Variants in KCNQ1OT1 observed in about 807,000 individuals in gnomAD.
KCNQ1OT1 encodes KCNQ1 antisense RNA 2 (non-protein coding).
At chr11:2,634,870 T>G (rs1296517183) in exon 1 of KCNQ1OT1, 2 of 152,242 alleles carry the variant, frequency 1.3e-5, no homozygotes, top group Non-Finnish European at 2.9e-5. Flanking sequence ...ATGATTGCCA[T>G]TCTAACTGGT....
In KCNQ1OT1 at chr11:2,687,266, C is replaced by A; in HGVS notation, n.12729G>T. 2.5e-6 allele frequency: 1 copy of A among 398,682 alleles called. No individual in the cohort carries two copies. The highest frequency in any genetic ancestry group is 4.4e-6 in the Non-Finnish European group (1 of 226,110). The allele number at this position is 398,682 out of a possible 1,614,324, so 24.7% of individuals were successfully genotyped here. A position where few individuals can be genotyped will look rare whatever the true frequency, so the allele number is the denominator to read the frequency against. On this transcript the variant is annotated non_coding_transcript_exon_variant, in exon 1 of 1. Coordinates refer to ENST00000597346, the Ensembl canonical transcript of KCNQ1OT1. The surrounding 1 kb of genome is among the most constrained non-coding windows in gnomAD (Gnocchi z 5.0). ...ATCACTACCAGCTCCGGGCTTCTCT[C>A]CTCTGGCCTCCCACCTTGCAGCTTT... is the stretch of plus-strand genomic sequence containing the variant.
At chr11:2,686,049 T>G (rs1564857892) in exon 1 of KCNQ1OT1, 2 of 399,250 alleles carry the variant, frequency 5.0e-6, no homozygotes. Flanking sequence ...CACCATCTGA[T>G]GGGGCAGGGG....
chr11:2,623,538 T>A lies in KCNQ1OT1; in HGVS notation n.76457A>T, dbSNP rs1849209704. On this transcript the variant is annotated non_coding_transcript_exon_variant, in exon 1 of 1. Transcript: ENST00000597346. This position sits in a 1 kb window ranked among gnomAD's most constrained non-coding sequence, Gnocchi z 5.2. ...TCATACAGTATGTAGTTTCTTCAGA[T>A]TGCCTTATTTCACATAGTAATATGT... is the stretch of plus-strand genomic sequence containing the variant. The A allele has an allele frequency of 2.5e-6, 1 of 398,516 alleles. No individual in the cohort carries two copies. The highest frequency in any genetic ancestry group is 1.3e-4 in the South Asian group (1 of 7,866). 24.7% of individuals were successfully genotyped at this position (398,516 alleles called of 1,614,324 possible).
At chr11:2,638,926 T>G (rs1214241324) in exon 1 of KCNQ1OT1, 1 of 152,232 alleles carries the variant, frequency 6.6e-6, no homozygotes, top group Admixed American at 6.5e-5. Flanking sequence ...TTTACTCTTT[T>G]TTCTCTGAAC....
rs1849092632 is a variant in KCNQ1OT1, at chr11:2,617,801, T to C, written n.82194A>G. On this transcript the variant is annotated non_coding_transcript_exon_variant, in exon 1 of 1. Coordinates refer to ENST00000597346, the Ensembl canonical transcript of KCNQ1OT1. The surrounding 1 kb of genome is among the most constrained non-coding windows in gnomAD (Gnocchi z 4.6). ...GACGATTAGTGATGTTAAATGTCTT[T>C]TCATATATGTGTTTGCCATTTTTAT... 2 of 398,604 alleles carry C rather than the reference T, an allele frequency of 5.0e-6. No homozygotes were observed. Among genetic ancestry groups the C allele is most frequent in the African/African-American group, 4.1e-5 (2 of 48,766 alleles). The allele number at this position is 398,604 out of a possible 1,614,324, so 24.7% of individuals were successfully genotyped here.
chr11:2,634,069 T>C (rs909333526), exon 1 of KCNQ1OT1: 9 of 398,494 alleles, frequency 2.3e-5, no homozygotes, highest in African/African-American at 1.9e-4. Flanking sequence ...CTATTTGTGG[T>C]CTTTTGTGGT....
In KCNQ1OT1 at chr11:2,645,971, C is replaced by G; in HGVS notation, n.54024G>C. The G allele has an allele frequency of 5.0e-6, 2 of 398,624 alleles. No individual in the cohort carries two copies. Among genetic ancestry groups the G allele is most frequent in the Non-Finnish European group, 8.8e-6 (2 of 226,094 alleles). 24.7% of individuals were successfully genotyped at this position (398,624 alleles called of 1,614,324 possible). ...ATCTATGGGTCAGGGGGTTCTCTGA[C>G]TAGGATTTCAGGAGTCTGCTGTGGG... On this transcript the variant is annotated non_coding_transcript_exon_variant, in exon 1 of 1. Coordinates refer to ENST00000597346, the Ensembl canonical transcript of KCNQ1OT1. This position sits in a 1 kb window ranked among gnomAD's most constrained non-coding sequence, Gnocchi z 5.8.
exon 1 of KCNQ1OT1, chr11:2,649,933 T>C (rs79166627): frequency 0.013 from 5,123 of 398,522 alleles, 156 homozygotes; most frequent in East Asian, 0.079. Flanking sequence ...ATGTGAAATA[T>C]TGTTAGCTTA....
At chr11:2,610,750 T>C in exon 1 of KCNQ1OT1, 1 of 376,842 alleles carries the variant, frequency 2.7e-6, no homozygotes, top group Non-Finnish European at 4.6e-6. Context: ...TTTTTTACTT[T>C]GAGCACTTGG....
chr11:2,698,961 C>G lies in KCNQ1OT1; in HGVS notation n.1034G>C. ...CTGATCCCAACTAGGATACCTAACTCAGAACCACAACGGGGATTCCCACCT... is the reference window on the plus strand; with the variant it reads ...CTGATCCCAACTAGGATACCTAACTGAGAACCACAACGGGGATTCCCACCT... On this transcript the variant is annotated non_coding_transcript_exon_variant, in exon 1 of 1. Transcript: ENST00000597346. This position sits in a 1 kb window ranked among gnomAD's most constrained non-coding sequence, Gnocchi z 5.1. The G allele has an allele frequency of 2.5e-6, 1 of 398,644 alleles. No homozygotes were observed. 24.7% of individuals were successfully genotyped at this position (398,644 alleles called of 1,614,324 possible). A position where few individuals can be genotyped will look rare whatever the true frequency, so the allele number is the denominator to read the frequency against.
At position 2,674,832 on chromosome 11, in the gene KCNQ1OT1, TAAAA is replaced by T. The variant is rs34219164; in HGVS notation, n.25159_25162del. On this transcript the variant is annotated non_coding_transcript_exon_variant, in exon 1 of 1. Coordinates refer to ENST00000597346, the Ensembl canonical transcript of KCNQ1OT1. This position sits in a 1 kb window ranked among gnomAD's most constrained non-coding sequence, Gnocchi z 5.9. ...GCTTGTCACCCTAATAGCTGTTTTT[TAAAA>T]AAAAAAAAAAAAAAAAAAAAAAAAG... 3.9e-3 allele frequency: 1,184 copies of T among 300,368 alleles called. No individual in the cohort carries two copies. The highest frequency in any genetic ancestry group is 4.7e-3 in the Middle Eastern group (6 of 1,274). 18.6% of individuals were successfully genotyped at this position (300,368 alleles called of 1,614,324 possible). A position where few individuals can be genotyped will look rare whatever the true frequency, so the allele number is the denominator to read the frequency against.
chr11:2,615,252 T>C (rs776180952), exon 1 of KCNQ1OT1: 2 of 398,074 alleles, frequency 5.0e-6, no homozygotes, highest in African/African-American at 2.1e-5. Flanking sequence ...ATGTTGAACA[T>C]GTACCCTGCA....
chr11:2,665,465 G>A (rs1424204317), exon 1 of KCNQ1OT1: 1 of 396,620 alleles, frequency 2.5e-6, no homozygotes, highest in African/African-American at 2.1e-5. Flanking sequence ...CACGACAGTG[G>A]GTGGGGACGG....
chr11:2,663,359 T>C lies in KCNQ1OT1; in HGVS notation n.36636A>G. On this transcript the variant is annotated non_coding_transcript_exon_variant, in exon 1 of 1. Coordinates refer to ENST00000597346, the Ensembl canonical transcript of KCNQ1OT1. The surrounding 1 kb of genome is among the most constrained non-coding windows in gnomAD (Gnocchi z 5.2). ...TGAGCAGGCTGGTAGCCAGATGGGC[T>C]GCCCAGGTACAGGTCAGCACCAGAA... 5.0e-6 allele frequency: 2 copies of C among 398,806 alleles called. No homozygotes were observed. Among genetic ancestry groups the C allele is most frequent in the Non-Finnish European group, 8.8e-6 (2 of 226,198 alleles). The allele number at this position is 398,806 out of a possible 1,614,324, so 24.7% of individuals were successfully genotyped here. A position where few individuals can be genotyped will look rare whatever the true frequency, so the allele number is the denominator to read the frequency against.
At position 2,621,197 on chromosome 11, in the gene KCNQ1OT1, C is replaced by T. The variant is rs551357125; in HGVS notation, n.78798G>A. The T allele has an allele frequency of 8.8e-5, 35 of 397,550 alleles. No individual in the cohort carries two copies. In the South Asian group the frequency reaches 1.3e-3, roughly 14 times the overall value. 24.6% of individuals were successfully genotyped at this position (397,550 alleles called of 1,614,324 possible). A position where few individuals can be genotyped will look rare whatever the true frequency, so the allele number is the denominator to read the frequency against. ...TTCACCATGTTGGCCAGGATGGTCT[C>T]GAATACCTGACCCCAGATGATCCAC... On this transcript the variant is annotated non_coding_transcript_exon_variant, in exon 1 of 1. Coordinates refer to ENST00000597346, the Ensembl canonical transcript of KCNQ1OT1. This position sits in a 1 kb window ranked among gnomAD's most constrained non-coding sequence, Gnocchi z 5.7.
rs1312458170 is a variant in KCNQ1OT1, at chr11:2,620,211, ATT to A, written n.79782_79783del. ...TAAGTTCATTCATGTATATATATAT[ATT>A]TTTTTTTTTTATTTTTTTTTTAGAC... On this transcript the variant is annotated non_coding_transcript_exon_variant, in exon 1 of 1. Transcript: ENST00000597346. This position sits in a 1 kb window ranked among gnomAD's most constrained non-coding sequence, Gnocchi z 4.5. 4.5e-3 allele frequency: 1,162 copies of A among 255,992 alleles called. No homozygotes were observed. Among genetic ancestry groups the A allele is most frequent in the East Asian group, 0.01 (158 of 15,452 alleles). The allele number at this position is 255,992 out of a possible 1,614,324, so 15.9% of individuals were successfully genotyped here. A position where few individuals can be genotyped will look rare whatever the true frequency, so the allele number is the denominator to read the frequency against.
At position 2,620,978 on chromosome 11, in the gene KCNQ1OT1, T is replaced by C; in HGVS notation, n.79017A>G. On this transcript the variant is annotated non_coding_transcript_exon_variant, in exon 1 of 1. Coordinates refer to ENST00000597346, the Ensembl canonical transcript of KCNQ1OT1. The surrounding 1 kb of genome is among the most constrained non-coding windows in gnomAD (Gnocchi z 4.5). ...TTTTTGTCTGTTTTTTGCTTTTTTGTTTGTTTGTTTGTTTTTTGAGAAAGA... is the reference window on the plus strand; with the variant it reads ...TTTTTGTCTGTTTTTTGCTTTTTTGCTTGTTTGTTTGTTTTTTGAGAAAGA... 2 of 397,768 alleles carry C rather than the reference T, an allele frequency of 5.0e-6. No homozygotes were observed. The highest frequency in any genetic ancestry group is 8.9e-6 in the Non-Finnish European group (2 of 225,954). 24.6% of individuals were successfully genotyped at this position (397,768 alleles called of 1,614,324 possible).
chr11:2,683,545 A>G lies in KCNQ1OT1; in HGVS notation n.16450T>C, dbSNP rs1850434710. 5 of 398,554 alleles carry G rather than the reference A, an allele frequency of 1.3e-5. No individual in the cohort carries two copies. 24.7% of individuals were successfully genotyped at this position (398,554 alleles called of 1,614,324 possible). A position where few individuals can be genotyped will look rare whatever the true frequency, so the allele number is the denominator to read the frequency against. On this transcript the variant is annotated non_coding_transcript_exon_variant, in exon 1 of 1. Coordinates refer to ENST00000597346, the Ensembl canonical transcript of KCNQ1OT1. The surrounding 1 kb of genome is among the most constrained non-coding windows in gnomAD (Gnocchi z 4.7). ...GAGTAAACATTTCTAAAAAAGAGGT[A>G]GAAGCCCCTACCTACTGACTGGCAT...
Position 2,682,345 on chromosome 11 carries a change from G to C in KCNQ1OT1, n.17650C>G, listed in dbSNP as rs1214241262. 1.3e-5 allele frequency: 5 copies of C among 398,454 alleles called. No homozygotes were observed. Among genetic ancestry groups the C allele is most frequent in the Non-Finnish European group, 2.2e-5 (5 of 226,068 alleles). The allele number at this position is 398,454 out of a possible 1,614,324, so 24.7% of individuals were successfully genotyped here. On this transcript the variant is annotated non_coding_transcript_exon_variant, in exon 1 of 1. Coordinates refer to ENST00000597346, the Ensembl canonical transcript of KCNQ1OT1. This position sits in a 1 kb window ranked among gnomAD's most constrained non-coding sequence, Gnocchi z 5.8. The stretch of plus-strand genomic sequence containing the variant: ...AACTGTGTGTTTATTTGTGGTAAAG[G>C]GTTTACTGGCTGGCTCCTTCTATCA...
Sources: gnomAD v4.1 joint callset for allele counts on GRCh38, gnomAD v4.1.1 for gene constraint, Gnocchi (gnomAD v3.1) non-coding constraint, MANE v1.5 for transcripts, NCBI Gene and HGNC (gene_info 2026-07-23, HGNC 2026-07-21) for gene names.